GAK: variants seen among roughly 807,000 people sequenced by gnomAD.
GAK encodes cyclin G associated kinase.
Under a neutral mutation model 143.9 loss-of-function variants are expected in GAK, and 79 were observed. That is an observed-to-expected ratio of 0.55 (90% CI 0.46 to 0.66). The LOEUF (loss-of-function observed/expected upper bound fraction) is 0.66. Among genes scored for constraint, GAK ranks in the 30% least tolerant of loss-of-function variants. The pLI, the probability that GAK is intolerant of heterozygous loss-of-function variation, is 0.00. For missense variants in GAK, 1,693 were observed against 1,779.7 expected (o/e 0.95, Z 0.88); for synonymous variants, 881 against 765.5 (o/e 1.15, Z -2.49).
chr4:931,927 C>A, intron 1 of GAK, 116 bp downstream of exon 1: 1 of 782,556 alleles, frequency 1.3e-6, no homozygotes, highest in Non-Finnish European at 2.1e-6. Context: ...CCCACGATCC[C>A]GCTGGGACCC....
intron 17 of GAK, 112 bp downstream of exon 17, chr4:876,978 C>T: frequency 1.4e-6 from 1 of 731,600 alleles, no homozygotes; most frequent in Non-Finnish European, 2.3e-6. Flanking sequence ...CGGCACTCAC[C>T]AAACAGCGAG....
intron 5 of GAK, among the ~76,000 whole-genome samples, chr4:901,779 G>GT (rs1719914735): frequency 6.6e-6 from 1 of 152,238 alleles, no homozygotes; most frequent in Non-Finnish European, 1.5e-5. Flanking sequence ...GCCAAGGACA[G>GT]CACAGGGCAT....
rs377410275 is a variant in GAK at position 850,082 on chromosome 4, G to A, written c.3658-14C>T. On this transcript the variant is annotated splice_polypyrimidine_tract_variant and intron_variant, in intron 26 of 27. Coordinates refer to ENST00000314167, the MANE Select transcript of GAK (RefSeq NM_005255.4). ...CCAGTCCAGGAGCTGCGGGAGACAC[G>A]GAGCTTGCCGAGCCCTGGGCACCTG... 107 of 1,552,082 alleles carry A rather than the reference G, an allele frequency of 6.9e-5. No homozygotes were observed. Among genetic ancestry groups the A allele is most frequent in the Middle Eastern group, 1.7e-4 (1 of 5,810 alleles).
intron 23 of GAK, 40 bp from the exon 24 acceptor site, chr4:859,762 G>A (rs919538837): frequency 7.1e-7 from 1 of 1,412,786 alleles, no homozygotes; most frequent in African/African-American, 1.4e-5. Context: ...AGCACCATCT[G>A]AAGCGAAACA....
intron 11 of GAK, among the ~76,000 whole-genome samples, chr4:885,045 C>T (rs147559376): frequency 6.7e-6 from 1 of 149,802 alleles, no homozygotes; most frequent in African/African-American, 2.4e-5. Flanking sequence ...GTTTTAAAAG[C>T]CGTCTAAACC....
chr4:856,250 TCAC>T (rs1350753591), intron 24 of GAK, among the ~76,000 whole-genome samples: 59 of 130,410 alleles, frequency 4.5e-4, no homozygotes, highest in South Asian at 2.2e-3. Flanking sequence ...TCACACCTGC[TCAC>T]CACAGCTGCT....
intron 5 of GAK, among the ~76,000 whole-genome samples, chr4:902,605 A>AAAAAAAAAAAAAAAAAAC (rs1180561371): frequency 7.7e-6 from 1 of 130,310 alleles, no homozygotes; most frequent in Non-Finnish European, 1.7e-5. Context: ...TCAAAAAAAA[A>AAAAAAAAAAAAAAAAAAC]AAAAAAAAAC....
intron 8 of GAK, 115 bp downstream of exon 8, chr4:893,759 G>T: frequency 2.4e-6 from 3 of 1,257,096 alleles, no homozygotes; most frequent in Non-Finnish European, 3.2e-6. Flanking sequence ...AAACTATGGT[G>T]ACGGGCGGGA....
chr4:906,190 C>T (rs1293776042), intron 4 of GAK, among the ~76,000 whole-genome samples: 2 of 152,198 alleles, frequency 1.3e-5, no homozygotes, highest in Non-Finnish European at 1.5e-5. Context: ...GCCGGCGAGC[C>T]GTTAACGTGA....
At position 867,387 on chromosome 4, in the gene GAK, T is replaced by A; in HGVS notation, c.2441A>T (p.Glu814Val). The A allele has an allele frequency of 2.6e-6, 4 of 1,551,068 alleles. No individual in the cohort carries two copies. The highest frequency in any genetic ancestry group is 3.5e-6 in the Non-Finnish European group (4 of 1,145,544). Reference sequence around the variant, plus strand: ...GTCCTCCATCAGGGCAGACTCGCTCTCCTTGGAAGAGGCATTTTCTGCACC... The same window carrying A: ...GTCCTCCATCAGGGCAGACTCGCTCACCTTGGAAGAGGCATTTTCTGCACC... ...ETGAENASSK[E>V]SESALMEDRD... Residue 814 changes from glutamate to valine, a missense_variant, in exon 21 of 28, where the codon GAG becomes GTG. By Grantham distance (121) the Glu-to-Val change is moderately radical. Coordinates refer to ENST00000314167, the MANE Select transcript of GAK (RefSeq NM_005255.4).
intron 5 of GAK, among the ~76,000 whole-genome samples, chr4:902,086 A>C (rs1304423252): frequency 1.3e-5 from 2 of 152,052 alleles, no homozygotes; most frequent in East Asian, 3.9e-4. Flanking sequence ...AAAAGTACAA[A>C]AATTAGCCCG....
At chr4:883,165 C>A (rs1462566110) in intron 13 of GAK, 150 bp downstream of exon 13, 6 of 910,474 alleles carry the variant, frequency 6.6e-6, no homozygotes, top group Admixed American at 2.9e-5. Flanking sequence ...CCCACCTCGC[C>A]CCCTCCTGTC....
chr4:931,570 G>A (rs1197922249), intron 1 of GAK, among the ~76,000 whole-genome samples: 1 of 152,142 alleles, frequency 6.6e-6, no homozygotes, highest in South Asian at 2.1e-4. Context: ...TCCGGCAAAA[G>A]GCCAAGGCTT....
At position 866,529 on chromosome 4, in the gene GAK, G is replaced by A; in HGVS notation, c.2878C>T (p.Pro960Ser). Residue 960 changes from proline to serine, a missense_variant, in exon 22 of 28, where the codon CCC becomes TCC. This residue lies in a region of GAK where 822 missense variants were observed against 788.7 expected (regional missense o/e 1.04). Transcript: ENST00000314167. ...PRGGPPAAAD[P>S]FGPLLPSSGN... ...GAAGACGGCAGAAGCGGGCCAAAGG[G>A]GTCAGCTGTGGGGACAGGCGGGCAT... The A allele has an allele frequency of 6.2e-7, 1 of 1,613,382 alleles. No individual in the cohort carries two copies. Among genetic ancestry groups the A allele is most frequent in the East Asian group, 2.2e-5 (1 of 44,838 alleles).
chr4:868,619 T>G lies in GAK; in HGVS notation c.2315A>C (p.Glu772Ala). The change falls in exon 20 of 28, where the codon GAA (glutamate) becomes GCA (alanine). Residue 772 changes from glutamate (E) to alanine (A), a missense_variant. Physicochemically the swap from Glu to Ala is moderately radical, Grantham distance 107. Transcript: ENST00000314167. ...TGAGTCAGAGTCTGTGGGTTCGGCT[T>G]CCGGGGACCCTGCCCCAGCATCATA... ...AQYDAGAGSP[E>A]AEPTDSDSPP... The G allele has an allele frequency of 6.3e-7, 1 of 1,583,686 alleles. No individual in the cohort carries two copies. Among genetic ancestry groups the G allele is most frequent in the South Asian group, 1.1e-5 (1 of 87,018 alleles).
chr4:930,435 T>G (rs898798846), intron 1 of GAK, among the ~76,000 whole-genome samples: 54 of 151,530 alleles, frequency 3.6e-4, no homozygotes, highest in Non-Finnish European at 5.2e-4. Flanking sequence ...GCTTCTTTCT[T>G]TATACGAATC....
intron 5 of GAK, among the ~76,000 whole-genome samples, chr4:900,958 T>C (rs1719760331): frequency 1.3e-5 from 2 of 152,210 alleles, no homozygotes; most frequent in Non-Finnish European, 2.9e-5. Context: ...GCCCACAGGC[T>C]TCTGCCATGG....
intron 9 of GAK, among the ~76,000 whole-genome samples, chr4:891,149 T>C (rs1329945041): frequency 6.6e-6 from 1 of 152,124 alleles, no homozygotes; most frequent in Non-Finnish European, 1.5e-5. Flanking sequence ...TTAGTAGAGA[T>C]GGGGTTTCAC....
chr4:903,324 G>A (rs1720319857), intron 5 of GAK, among the ~76,000 whole-genome samples: 1 of 152,258 alleles, frequency 6.6e-6, no homozygotes, highest in East Asian at 1.9e-4. Flanking sequence ...AGATGGGCAG[G>A]AGAGTCTGCC....
Sources: allele counts gnomAD v4.1 joint callset (sites outside exome capture counted in the v4.1 genomes callset), GRCh38; gene constraint gnomAD v4.1.1; regional missense constraint gnomAD v4.1.1; transcripts MANE v1.5; gene names NCBI Gene and HGNC (gene_info 2026-07-23, HGNC 2026-07-21).